Variants in TENM2 observed in about 807,000 individuals in gnomAD.
TENM2 encodes teneurin transmembrane protein 2.
Under a neutral mutation model 245.2 loss-of-function variants are expected in TENM2, and 52 were observed. That is an observed-to-expected ratio of 0.21 (90% CI 0.17 to 0.27). The LOEUF (loss-of-function observed/expected upper bound fraction) is 0.27. TENM2 is among the 10% of genes least tolerant of loss of function. The pLI, the probability that TENM2 is intolerant of heterozygous loss-of-function variation, is 1.00. For synonymous variants in TENM2, 1,363 were observed against 1,438.9 expected (o/e 0.95, Z 1.19); for missense variants, 3,046 against 3,666.8 (o/e 0.83, Z 4.37).
chr5:168,002,890 A>G (rs1784516418), intron 5 of TENM2, among the ~76,000 whole-genome samples: 1 of 152,216 alleles, frequency 6.6e-6, no homozygotes, highest in Non-Finnish European at 1.5e-5. Context: ...GGCCAGCCTT[A>G]ATATCCAGGA....
At chr5:168,133,815 C>T (rs1344556709) in intron 12 of TENM2, among the ~76,000 whole-genome samples, 1 of 152,212 alleles carries the variant, frequency 6.6e-6, no homozygotes, top group Non-Finnish European at 1.5e-5. Flanking sequence ...GTCTGCTTCA[C>T]TTGAATCCAG....
chr5:168,244,654 G>C lies in TENM2; in HGVS notation c.5755G>C (p.Gly1919Arg). 1 of 1,548,892 alleles carries C rather than the reference G, an allele frequency of 6.5e-7. No individual in the cohort carries two copies. Among genetic ancestry groups the C allele is most frequent in the Non-Finnish European group, 8.8e-7 (1 of 1,139,812 alleles). The stretch of plus-strand genomic sequence containing the variant: ...CGAGAGGACAGACATCGACAAGCAA[G>C]GCCGCATCGTGTCCCGCATGTTCGC... The change falls in exon 26 of 29, where the codon GGC (glycine) becomes CGC (arginine). Residue 1919 changes from glycine (G) to arginine (R), a missense_variant. Physicochemically the swap from Gly to Arg is moderately radical, Grantham distance 125. Coordinates refer to ENST00000518659, the Ensembl canonical transcript of TENM2. The surrounding 1 kb of genome is among the most constrained non-coding windows in gnomAD (Gnocchi z 4.9).
At chr5:168,169,479 A>G (rs1260128962) in intron 13 of TENM2, among the ~76,000 whole-genome samples, 1 of 152,188 alleles carries the variant, frequency 6.6e-6, no homozygotes, top group South Asian at 2.1e-4. Context: ...GAGAAATAAC[A>G]CTGGAGTCTG....
chr5:167,822,349 C>T (rs1043372816), intron 2 of TENM2, among the ~76,000 whole-genome samples: 3 of 152,034 alleles, frequency 2.0e-5, no homozygotes, highest in Non-Finnish European at 4.4e-5. Flanking sequence ...TTTATAAGTG[C>T]GTTAGAAGAA....
chr5:167,347,231 C>G (rs1758518825), intron 1 of TENM2, among the ~76,000 whole-genome samples: 1 of 151,794 alleles, frequency 6.6e-6, no homozygotes, highest in Admixed American at 6.6e-5. Flanking sequence ...CAGATAATAT[C>G]TTGATCATCC....
chr5:167,704,497 A>G (rs1758371365), intron 2 of TENM2, among the ~76,000 whole-genome samples: 1 of 152,134 alleles, frequency 6.6e-6, no homozygotes, highest in African/African-American at 2.4e-5. Flanking sequence ...TGATAAAATA[A>G]TGTTTCACCC....
chr5:167,962,748 T>A (rs759834603), intron 4 of TENM2, among the ~76,000 whole-genome samples: 13 of 152,002 alleles, frequency 8.6e-5, no homozygotes, highest in Non-Finnish European at 1.9e-4. Context: ...TATAAAACCA[T>A]CAGATCTCAT....
chr5:167,470,062 A>G (rs147154487), intron 2 of TENM2, among the ~76,000 whole-genome samples: 1 of 152,298 alleles, frequency 6.6e-6, no homozygotes, highest in East Asian at 1.9e-4. Flanking sequence ...AAATGTTGCA[A>G]TGATCAGCAA....
intron 2 of TENM2, among the ~76,000 whole-genome samples, chr5:167,654,936 CTAT>C (rs973499175): frequency 2.6e-5 from 4 of 152,008 alleles, no homozygotes; most frequent in Admixed American, 2.6e-4. Flanking sequence ...AAGCTGGCAC[CTAT>C]TATTAGTAAA....
chr5:167,750,322 G>T (rs185723292), intron 2 of TENM2, among the ~76,000 whole-genome samples: 34 of 152,198 alleles, frequency 2.2e-4, no homozygotes, highest in African/African-American at 7.0e-4. Flanking sequence ...TGTTTGCCAG[G>T]CGTTGACAGG....
At chr5:167,505,143 A>G (rs1769455150) in intron 2 of TENM2, among the ~76,000 whole-genome samples, 1 of 152,146 alleles carries the variant, frequency 6.6e-6, no homozygotes, top group Non-Finnish European at 1.5e-5. Context: ...TGTATTTGAT[A>G]TTCAAACTGA....
At chr5:167,605,264 G>A (rs890029590) in intron 2 of TENM2, among the ~76,000 whole-genome samples, 4 of 152,162 alleles carry the variant, frequency 2.6e-5, no homozygotes. Context: ...AGCATGGAAA[G>A]AGCAGTAGTC....
intron 2 of TENM2, among the ~76,000 whole-genome samples, chr5:167,862,225 C>G (rs961690313): frequency 3.1e-4 from 47 of 150,248 alleles, no homozygotes; most frequent in African/African-American, 1.1e-3. Context: ...TTTGCTGACT[C>G]TAGTCAATTT....
At chr5:167,695,825 G>T (rs75678085) in intron 2 of TENM2, among the ~76,000 whole-genome samples, 1 of 151,438 alleles carries the variant, frequency 6.6e-6, no homozygotes, top group Non-Finnish European at 1.5e-5. Flanking sequence ...ACGAGGTCAG[G>T]AGATCGAGAC....
intron 2 of TENM2, among the ~76,000 whole-genome samples, chr5:167,869,973 A>G (rs1259852425): frequency 6.6e-6 from 1 of 152,240 alleles, no homozygotes; most frequent in Non-Finnish European, 1.5e-5. Flanking sequence ...ACAAACCCCA[A>G]AGATTTAGAG....
chr5:168,016,011 C>G (rs2152089139), intron 5 of TENM2, among the ~76,000 whole-genome samples: 1 of 152,310 alleles, frequency 6.6e-6, no homozygotes, highest in South Asian at 2.1e-4. Flanking sequence ...CTATATTCCC[C>G]TCCTTCTGCA....
intron 2 of TENM2, among the ~76,000 whole-genome samples, chr5:167,722,738 C>G (rs111274770): frequency 0.018 from 2,690 of 152,184 alleles, 90 homozygotes; most frequent in African/African-American, 0.062. Context: ...GATTGCGCCA[C>G]TGCACTCCAG....
Position 167,428,071 on chromosome 5 carries a change from CT to C in TENM2, c.502+52605del, listed in dbSNP as rs923428929. On this transcript the variant is annotated intron_variant, in intron 2 of 28. Coordinates refer to ENST00000518659, the Ensembl canonical transcript of TENM2. ...AATTCAGAATTTTCTCTATTCCCTC[CT>C]TTTTTTGTCTGTTACTATTAATTTA... Among the ~76,000 whole-genome samples, 517 of 152,234 alleles carry C rather than the reference CT, an allele frequency of 3.4e-3. 1 individual carries two copies. Among genetic ancestry groups the C allele is most frequent in the African/African-American group, 0.012 (501 of 41,558 alleles).
the TENM2 span, among the ~76,000 whole-genome samples, chr5:167,258,604 C>T: frequency 1.3e-5 from 2 of 152,084 alleles, no homozygotes; most frequent in South Asian, 2.1e-4. Flanking sequence ...TCTATTATAT[C>T]ATTTCTTCAA....
Sources: allele counts gnomAD v4.1 joint callset (sites outside exome capture counted in the v4.1 genomes callset), GRCh38; gene constraint gnomAD v4.1.1; non-coding constraint Gnocchi (gnomAD v3.1); transcripts MANE v1.5; gene names NCBI Gene and HGNC (gene_info 2026-07-23, HGNC 2026-07-21).